Variants in COL24A1 observed in about 807,000 individuals in gnomAD.
COL24A1 encodes the protein collagen alpha-1(XXIV) chain.
COL24A1 carries 224 observed loss-of-function variants against 253.9 expected under a neutral mutation model. The observed-to-expected ratio is 0.88, with a 90% CI of 0.79 to 0.99. The LOEUF is 0.99. Among genes scored for constraint, COL24A1 ranks in the 50% least tolerant of loss-of-function variants. The probability of loss-of-function intolerance (pLI) is 0.00; values close to 1 mark genes in which losing one functional copy is unlikely to be tolerated. For synonymous variants in COL24A1, 685 were observed against 673.7 expected (o/e 1.02, Z -0.26); for missense variants, 2,131 against 2,068.5 (o/e 1.03, Z -0.59).
At chr1:85,884,280 A>G (rs995597614) in intron 32 of COL24A1, among the ~76,000 whole-genome samples, 19 of 152,120 alleles carry the variant, frequency 1.2e-4, no homozygotes, top group African/African-American at 4.6e-4. Flanking sequence ...GTAAATGTAA[A>G]TGAAACCAAG....
chr1:85,868,424 T>C, intron 37 of COL24A1, 95 bp downstream of exon 37: 3 of 773,322 alleles, frequency 3.9e-6, no homozygotes, highest in Admixed American at 4.3e-5. Context: ...CCACTGGATA[T>C]ATAAGGAGGT....
intron 37 of COL24A1, among the ~76,000 whole-genome samples, chr1:85,853,345 C>CCACTTTTT (rs1678025691): frequency 1.3e-5 from 2 of 152,112 alleles, no homozygotes; most frequent in Admixed American, 6.6e-5. Context: ...TGTATACATA[C>CCACTTTTT]CACTTTTTTT....
chr1:86,078,018 T>C (rs950412598), intron 7 of COL24A1, among the ~76,000 whole-genome samples: 29 of 152,078 alleles, frequency 1.9e-4, no homozygotes, highest in African/African-American at 6.0e-4. Flanking sequence ...TGCAGGCCAA[T>C]ATCTCTGATA....
chr1:85,763,096 G>T (rs1666995847), intron 53 of COL24A1, among the ~76,000 whole-genome samples: 1 of 152,096 alleles, frequency 6.6e-6, no homozygotes, highest in Non-Finnish European at 1.5e-5. Context: ...CCATTAAGGT[G>T]AAGTGATTCA....
rs1680037039 is a variant in COL24A1, at chr1:85,868,515, T to C, written c.3300+4A>G. The C allele has an allele frequency of 1.2e-6, 2 of 1,609,774 alleles. No homozygotes were observed. The highest frequency in any genetic ancestry group is 1.1e-5 in the South Asian group (1 of 90,954). Reference sequence around the variant, plus strand: ...TATTTGAAAGTGAACCCAGCAGTACTTACCGGAAGGCCTGTTTGGCCTGAT... The same window carrying C: ...TATTTGAAAGTGAACCCAGCAGTACCTACCGGAAGGCCTGTTTGGCCTGAT... On this transcript the variant is annotated splice_donor_region_variant and intron_variant, in intron 37 of 59. Transcript: ENST00000370571.
chr1:85,984,752 C>T (rs1371487128), intron 20 of COL24A1, among the ~76,000 whole-genome samples: 1 of 151,692 alleles, frequency 6.6e-6, no homozygotes, highest in African/African-American at 2.4e-5. Context: ...AGATGTCAAA[C>T]GGTACCTCAA....
rs1648011230 is a variant in COL24A1 at position 86,124,941 on chromosome 1, A to G, written c.1395T>C (p.Tyr465=). ...PDATYPIENS[Y]ETELYDYYYY... ...AATAATAATCATAAAGCTCAGTTTC[A>G]TAGCTATTTTCGATGGGATAAGTAG... The change falls in exon 3 of 60, where the codon TAT becomes TAC. Residue 465 remains tyrosine, a synonymous_variant. Transcript: ENST00000370571. 1 of 1,612,786 alleles carries G rather than the reference A, an allele frequency of 6.2e-7. No homozygotes were observed. Among genetic ancestry groups the G allele is most frequent in the South Asian group, 1.1e-5 (1 of 90,948 alleles).
intron 32 of COL24A1, among the ~76,000 whole-genome samples, chr1:85,885,843 T>C (rs1305717858): frequency 6.6e-6 from 1 of 152,164 alleles, no homozygotes; most frequent in African/African-American, 2.4e-5. Flanking sequence ...TTGGGCAAGG[T>C]TGTGATTTTT....
At chr1:85,762,739 T>C (rs1447832823) in intron 53 of COL24A1, among the ~76,000 whole-genome samples, 2 of 152,196 alleles carry the variant, frequency 1.3e-5, no homozygotes, top group Non-Finnish European at 2.9e-5. Flanking sequence ...GTAAAAATAA[T>C]AAACAGTTGC....
intron 19 of COL24A1, among the ~76,000 whole-genome samples, chr1:86,002,127 G>T (rs1181648931): frequency 2.0e-5 from 3 of 152,238 alleles, no homozygotes; most frequent in Non-Finnish European, 4.4e-5. Flanking sequence ...AAAAGGCAGA[G>T]ATATTCCCAT....
intron 47 of COL24A1, among the ~76,000 whole-genome samples, chr1:85,813,318 C>A (rs538433242): frequency 9.9e-5 from 15 of 151,440 alleles, no homozygotes; most frequent in African/African-American, 3.4e-4. Flanking sequence ...AAGAGTAGGT[C>A]CATGCAAAAA....
intron 20 of COL24A1, among the ~76,000 whole-genome samples, chr1:85,978,807 G>GAACAAA (rs1692954124): frequency 6.6e-6 from 1 of 151,988 alleles, no homozygotes; most frequent in Non-Finnish European, 1.5e-5. Flanking sequence ...AACAAAGAAA[G>GAACAAA]TGAACTTCAT....
intron 3 of COL24A1, among the ~76,000 whole-genome samples, chr1:86,118,418 ATAT>A (rs1338859422): frequency 6.6e-6 from 1 of 152,174 alleles, no homozygotes; most frequent in African/African-American, 2.4e-5. Flanking sequence ...TAAATGTTAG[ATAT>A]TATTATTACT....
At chr1:86,016,701 C>G (rs1242645983) in intron 19 of COL24A1, among the ~76,000 whole-genome samples, 1 of 152,094 alleles carries the variant, frequency 6.6e-6, no homozygotes, top group Admixed American at 6.5e-5. Context: ...ACCATTAAAC[C>G]AAAGTCAAAA....
chr1:85,742,417 C>A (rs1664753516), intron 57 of COL24A1, among the ~76,000 whole-genome samples: 1 of 152,160 alleles, frequency 6.6e-6, no homozygotes, highest in South Asian at 2.1e-4. Flanking sequence ...CAGGCATGAG[C>A]CACTGTGCCC....
At chr1:86,121,605 G>A (rs1041300695) in intron 3 of COL24A1, among the ~76,000 whole-genome samples, 2 of 151,894 alleles carry the variant, frequency 1.3e-5, no homozygotes, top group African/African-American at 2.4e-5. Flanking sequence ...AATAAAAACT[G>A]ATTAAATATA....
chr1:86,059,316 C>A, intron 8 of COL24A1, 142 bp from the exon 9 acceptor site: 1 of 486,484 alleles, frequency 2.1e-6, no homozygotes, highest in Non-Finnish European at 3.6e-6. Flanking sequence ...AAATCACCTA[C>A]GTGAAGGAAA....
chr1:85,773,482 T>C (rs1400788421), intron 53 of COL24A1, among the ~76,000 whole-genome samples: 3 of 152,208 alleles, frequency 2.0e-5, no homozygotes, highest in Admixed American at 6.5e-5. Flanking sequence ...TTTGACGATA[T>C]TGATTCTTCC....
chr1:85,810,598 T>C (rs1450283719), intron 47 of COL24A1, among the ~76,000 whole-genome samples: 1 of 152,050 alleles, frequency 6.6e-6, no homozygotes, highest in African/African-American at 2.4e-5. Context: ...GGGGAGTTGT[T>C]TGGATCATGG....
Sources: gnomAD v4.1 joint callset for allele counts (sites outside exome capture counted in the v4.1 genomes callset) on GRCh38, gnomAD v4.1.1 for gene constraint, MANE v1.5 for transcripts, NCBI Gene and HGNC (gene_info 2026-07-23, HGNC 2026-07-21) for gene names.